The following ZFYVE16 variants were observed in gnomAD, a reference collection of about 807,000 sequenced individuals.
ZFYVE16 encodes zinc finger FYVE-type containing 16.
In ZFYVE16, 89 loss-of-function variants were observed where a neutral mutation model predicts 138.1. The observed-to-expected ratio is 0.64, with a 90% CI of 0.54 to 0.77. The LOEUF is 0.77. Ranked by LOEUF, ZFYVE16 falls within the 30% of genes least tolerant of loss-of-function variation. The pLI is 0.00. For synonymous variants in ZFYVE16, 596 were observed against 618.3 expected (o/e 0.96, Z 0.53); for missense variants, 1,793 against 1,786.7 (o/e 1.00, Z -0.06).
chr5:80,409,339 C>T (rs1380839321), intron 1 of ZFYVE16, among the ~76,000 whole-genome samples: 1 of 152,290 alleles, frequency 6.6e-6, no homozygotes, highest in Admixed American at 6.5e-5. Context: ...TATCCTCAAT[C>T]ATAATGTTAC....
chr5:80,447,394 A>G (rs1489021619), intron 7 of ZFYVE16, among the ~76,000 whole-genome samples: 3 of 152,178 alleles, frequency 2.0e-5, no homozygotes, highest in Non-Finnish European at 4.4e-5. Flanking sequence ...AATAGCCGTA[A>G]TTACCATGGG....
At position 80,448,267 on chromosome 5, in the gene ZFYVE16, A is replaced by G. The variant is rs769793352; in HGVS notation, c.2966A>G (p.Asn989Ser). The G allele has an allele frequency of 2.2e-5, 36 of 1,613,642 alleles. No homozygotes were observed. In the East Asian group the frequency reaches 6.5e-4, roughly 29 times the overall value. The change falls in exon 8 of 19, where the codon AAT becomes AGT. Residue 989 changes from asparagine to serine, a missense_variant. Transcript: ENST00000505560. ...CCTACTGGTGTCTTAGTTAACAGCA[A>G]TTTACCTATTGCTAGTATTTCAGAT... ...SSPTGVLVNS[N>S]LPIASISDYR...
chr5:80,472,917 A>G lies in ZFYVE16; in HGVS notation c.4181A>G (p.Asn1394Ser). The part of the protein sequence containing the change: ...ICWVDAEEKG[N>S]KGVISSVDGI... Reference sequence around the variant, plus strand: ...TGGGTAGATGCTGAAGAAAAAGGAAACAAAGGGTAGGAATTTTTTTATTCT... The same window carrying G: ...TGGGTAGATGCTGAAGAAAAAGGAAGCAAAGGGTAGGAATTTTTTTATTCT... The change falls in exon 16 of 19, where the codon AAC (asparagine) becomes AGC (serine). Residue 1394 changes from asparagine to serine, a missense_variant. By Grantham distance (46) the Asn-to-Ser change is conservative. Around this residue, in one of 2 missense-constraint regions of ZFYVE16, gnomAD observed 498 missense variants for 582.4 expected, o/e 0.86. Coordinates refer to ENST00000505560, the MANE Select transcript of ZFYVE16 (RefSeq NM_001284236.3). The G allele has an allele frequency of 6.3e-7, 1 of 1,595,242 alleles. No homozygotes were observed. Among genetic ancestry groups the G allele is most frequent in the Non-Finnish European group, 8.5e-7 (1 of 1,171,576 alleles).
At chr5:80,431,342 T>C (rs976179521) in intron 2 of ZFYVE16, among the ~76,000 whole-genome samples, 1 of 152,166 alleles carries the variant, frequency 6.6e-6, no homozygotes, top group South Asian at 2.1e-4. Flanking sequence ...AAAAACCACA[T>C]GATTATCTCA....
At chr5:80,432,794 C>T (rs1327669034) in intron 2 of ZFYVE16, among the ~76,000 whole-genome samples, 2 of 152,176 alleles carry the variant, frequency 1.3e-5, no homozygotes, top group Non-Finnish European at 2.9e-5. Flanking sequence ...TATGAACAGA[C>T]ACTTCTCAAA....
intron 5 of ZFYVE16, chr5:80,442,039 A>G: frequency 1.8e-6 from 1 of 566,904 alleles, no homozygotes; most frequent in Non-Finnish European, 2.2e-6. Flanking sequence ...AGATGGTGAT[A>G]ATACCCTAAA....
rs779026961 is a variant in ZFYVE16, at chr5:80,448,233, C to T, written c.2932C>T (p.Pro978Ser). 6 of 1,613,656 alleles carry T rather than the reference C, an allele frequency of 3.7e-6. No individual in the cohort carries two copies. Among genetic ancestry groups the T allele is most frequent in the Admixed American group, 1.7e-5 (1 of 59,986 alleles). The change falls in exon 8 of 19, where the codon CCA becomes TCA. Residue 978 changes from proline to serine, a missense_variant. Pro to Ser is a moderately conservative substitution (Grantham distance 74). This residue lies in a region of ZFYVE16 where 1,295 missense variants were observed against 1,204.3 expected (regional missense o/e 1.08). Transcript: ENST00000505560. ...DDDVFAETEE[P>S]SSPTGVLVNS... ...TGATGTTTTTGCAGAAACTGAAGAACCATCTAGTCCTACTGGTGTCTTAGT... is the reference window on the plus strand; with the variant it reads ...TGATGTTTTTGCAGAAACTGAAGAATCATCTAGTCCTACTGGTGTCTTAGT...
At chr5:80,422,184 A>C (rs1343944223) in intron 1 of ZFYVE16, among the ~76,000 whole-genome samples, 1 of 152,150 alleles carries the variant, frequency 6.6e-6, no homozygotes, top group Non-Finnish European at 1.5e-5. Flanking sequence ...TATCAGCTTA[A>C]GGAGATTTTG....
intron 14 of ZFYVE16, 54 bp downstream of exon 14, chr5:80,457,146 T>C: frequency 6.3e-7 from 1 of 1,582,596 alleles, no homozygotes; most frequent in East Asian, 2.3e-5. Context: ...ATTAATAGAA[T>C]TCCTTTCAAA....
intron 2 of ZFYVE16, among the ~76,000 whole-genome samples, chr5:80,430,074 C>T (rs928540280): frequency 6.6e-6 from 1 of 152,212 alleles, no homozygotes; most frequent in Admixed American, 6.5e-5. Flanking sequence ...GAACTCAGCT[C>T]TGCACCAAGC....
At chr5:80,447,119 C>T (rs1435606607) in intron 7 of ZFYVE16, among the ~76,000 whole-genome samples, 2 of 151,836 alleles carry the variant, frequency 1.3e-5, no homozygotes, top group Non-Finnish European at 2.9e-5. Context: ...CAAAAATTAG[C>T]CAGGTATTGT....
At position 80,446,938 on chromosome 5, in the gene ZFYVE16, C is replaced by A. The variant is rs535695648; in HGVS notation, c.2725-1088C>A. On this transcript the variant is annotated intron_variant, in intron 7 of 18. Coordinates refer to ENST00000505560, the MANE Select transcript of ZFYVE16 (RefSeq NM_001284236.3). The stretch of plus-strand genomic sequence containing the variant: ...TTGAGCATCACTTTGTGCCAGTCAC[C>A]TGGTCGATTCTGGGTACGTATATTA... Among the ~76,000 whole-genome samples, 3 of 151,986 alleles carry A rather than the reference C, an allele frequency of 2.0e-5. No homozygotes were observed. In the South Asian group the frequency reaches 6.2e-4, roughly 32 times the overall value.
intron 1 of ZFYVE16, among the ~76,000 whole-genome samples, chr5:80,415,912 C>T (rs1472387859): frequency 5.9e-5 from 9 of 151,904 alleles, no homozygotes; most frequent in Admixed American, 5.2e-4. Flanking sequence ...GTGATCTGCC[C>T]GCCTCAGCCT....
At chr5:80,467,956 AT>A (rs1339113455) in intron 15 of ZFYVE16, among the ~76,000 whole-genome samples, 5 of 152,200 alleles carry the variant, frequency 3.3e-5, no homozygotes, top group African/African-American at 9.7e-5. Flanking sequence ...TAAGAAAAAA[AT>A]ATATATAAAT....
At chr5:80,410,280 A>T (rs534274843) in intron 1 of ZFYVE16, 6 of 152,222 alleles carry the variant, frequency 3.9e-5, no homozygotes, top group African/African-American at 1.4e-4. Flanking sequence ...CATTGTTTTC[A>T]TGGGAGATAG....
At chr5:80,441,937 A>G (rs976774357) in intron 5 of ZFYVE16, 16 of 984,496 alleles carry the variant, frequency 1.6e-5, no homozygotes, top group Non-Finnish European at 1.8e-5. Context: ...ACTATTCTGC[A>G]TTCTGAAGTT....
chr5:80,462,337 A>G (rs187531140), intron 15 of ZFYVE16, among the ~76,000 whole-genome samples: 21 of 152,294 alleles, frequency 1.4e-4, no homozygotes, highest in Admixed American at 2.6e-4. Flanking sequence ...GTGAAGGGGA[A>G]GCAAGGCACC....
rs1318999020 is a variant in ZFYVE16 at position 80,482,628 on chromosome 5, A to G, written c.*5251A>G. 6.6e-6 allele frequency: 1 copy of G among 152,244 alleles called. No homozygotes were observed. Among genetic ancestry groups the G allele is most frequent in the Non-Finnish European group, 1.5e-5 (1 of 68,044 alleles). 9.4% of individuals were successfully genotyped at this position (152,244 alleles called of 1,614,324 possible). A position where few individuals can be genotyped will look rare whatever the true frequency, so the allele number is the denominator to read the frequency against. ...GAAAACCACACCCAGGCACGTCATAATCAAAGTGATGAAACCAACTGTAAA... is the reference window on the plus strand; with the variant it reads ...GAAAACCACACCCAGGCACGTCATAGTCAAAGTGATGAAACCAACTGTAAA... On this transcript the variant is annotated 3_prime_UTR_variant, in exon 19 of 19. Coordinates refer to ENST00000505560, the MANE Select transcript of ZFYVE16 (RefSeq NM_001284236.3).
intron 15 of ZFYVE16, among the ~76,000 whole-genome samples, chr5:80,461,119 C>T (rs906032673): frequency 1.3e-4 from 20 of 152,148 alleles, no homozygotes; most frequent in African/African-American, 3.4e-4. Context: ...CTTTGAGCGC[C>T]GACATGACAC....
Sources: gnomAD v4.1 joint callset for allele counts (sites outside exome capture counted in the v4.1 genomes callset) on GRCh38, gnomAD v4.1.1 for gene constraint, gnomAD v4.1.1 regional missense constraint, MANE v1.5 for transcripts, NCBI Gene and HGNC (gene_info 2026-07-23, HGNC 2026-07-21) for gene names.